Variants in NRXN1 observed in about 807,000 individuals in gnomAD.
NRXN1 encodes the protein neurexin-1.
In NRXN1, 39 loss-of-function variants were observed where a neutral mutation model predicts 150.9. The ratio of observed to expected loss-of-function variants is 0.26; its 90% CI spans 0.20 to 0.34. The LOEUF (loss-of-function observed/expected upper bound fraction) is 0.34, where lower values mean the gene tolerates loss of function less well. Ranked by LOEUF, NRXN1 falls within the 10% of genes least tolerant of loss-of-function variation. The pLI, the probability that NRXN1 is intolerant of heterozygous loss-of-function variation, is 1.00. For synonymous variants in NRXN1, 924 were observed against 757.0 expected (o/e 1.22, Z -3.62); for missense variants, 1,815 against 1,949.9 (o/e 0.93, Z 1.30).
At chr2:50,841,754 G>A (rs553468120) in intron 5 of NRXN1, among the ~76,000 whole-genome samples, 3 of 152,214 alleles carry the variant, frequency 2.0e-5, no homozygotes, top group Admixed American at 6.5e-5. Context: ...AGTGTTTCAC[G>A]AGAAATTGCC....
intron 5 of NRXN1, among the ~76,000 whole-genome samples, chr2:50,756,303 T>C (rs1453828159): frequency 6.6e-6 from 1 of 151,554 alleles, no homozygotes; most frequent in Non-Finnish European, 1.5e-5. Context: ...CTCACAAGTA[T>C]AGTGGTGATA....
At chr2:50,031,632 TACTA>T (rs1443525046) in intron 21 of NRXN1, among the ~76,000 whole-genome samples, 4 of 152,136 alleles carry the variant, frequency 2.6e-5, no homozygotes, top group African/African-American at 7.2e-5. Flanking sequence ...CTTGTCTATA[TACTA>T]ACTGTGTATT....
At chr2:50,117,111 T>G (rs1039762144) in intron 18 of NRXN1, among the ~76,000 whole-genome samples, 1 of 152,152 alleles carries the variant, frequency 6.6e-6, no homozygotes, top group Non-Finnish European at 1.5e-5. Flanking sequence ...AATGTTTGAT[T>G]ATGATTGTTT....
intron 17 of NRXN1, among the ~76,000 whole-genome samples, chr2:50,400,218 C>T (rs1572833749): frequency 6.6e-6 from 1 of 152,162 alleles, no homozygotes; most frequent in East Asian, 1.9e-4. Flanking sequence ...GAAGCGATGT[C>T]GAGTTTCCTT....
intron 17 of NRXN1, among the ~76,000 whole-genome samples, chr2:50,381,534 CA>C (rs2080967257): frequency 1.4e-5 from 2 of 140,622 alleles, no homozygotes; most frequent in African/African-American, 2.8e-5. Flanking sequence ...CACACACACA[CA>C]CACACACACA....
chr2:50,454,223 G>A (rs2104556799), intron 17 of NRXN1, among the ~76,000 whole-genome samples: 1 of 152,272 alleles, frequency 6.6e-6, no homozygotes, highest in Non-Finnish European at 1.5e-5. Flanking sequence ...CTCCTTGGGA[G>A]GCTGAGGCAC....
Position 50,123,782 on chromosome 2 carries a change from T to G in NRXN1, c.3547-32288A>C, listed in dbSNP as rs578139267. Among the ~76,000 whole-genome samples, 4 of 152,322 alleles carry G rather than the reference T, an allele frequency of 2.6e-5. No individual in the cohort carries two copies. In the South Asian group the frequency reaches 6.2e-4, roughly 24 times the overall value. On this transcript the variant is annotated intron_variant, in intron 18 of 22. Coordinates refer to ENST00000401669, the MANE Select transcript of NRXN1 (RefSeq NM_001330078.2). ...AAGGAACTGCACCTTGAACTCAAGA[T>G]GATTTCAAGGTTTTTGGAAAAGGCA...
intron 18 of NRXN1, among the ~76,000 whole-genome samples, chr2:50,106,079 TA>T (rs1701600203): frequency 6.6e-6 from 1 of 151,990 alleles, no homozygotes; most frequent in South Asian, 2.1e-4. Flanking sequence ...CTTAAAAACA[TA>T]ATGACCACTT....
At chr2:50,388,152 G>A (rs1558646955) in intron 17 of NRXN1, among the ~76,000 whole-genome samples, 1 of 152,018 alleles carries the variant, frequency 6.6e-6, no homozygotes, top group African/African-American at 2.4e-5. Context: ...CTACATTTTG[G>A]GCAATCTGGG....
At chr2:50,304,105 G>C (rs1329515983) in intron 17 of NRXN1, among the ~76,000 whole-genome samples, 2 of 152,028 alleles carry the variant, frequency 1.3e-5, no homozygotes, top group Admixed American at 6.6e-5. Context: ...CAGCAGAAAA[G>C]GTATGGCATA....
At chr2:49,946,301 G>C (rs1431076212) in intron 21 of NRXN1, among the ~76,000 whole-genome samples, 1 of 152,072 alleles carries the variant, frequency 6.6e-6, no homozygotes, top group African/African-American at 2.4e-5. Context: ...TTGTCAGACA[G>C]ATAGATTGCA....
At chr2:50,686,153 C>CA (rs977507216) in intron 5 of NRXN1, among the ~76,000 whole-genome samples, 3 of 151,936 alleles carry the variant, frequency 2.0e-5, no homozygotes, top group African/African-American at 7.3e-5. Flanking sequence ...AACAAAGAAA[C>CA]AAACAAACAA....
chr2:50,101,113 T>C (rs1211717340), intron 18 of NRXN1, among the ~76,000 whole-genome samples: 2 of 152,086 alleles, frequency 1.3e-5, no homozygotes, highest in Non-Finnish European at 2.9e-5. Context: ...TTTTTATATT[T>C]AAAAATTATT....
At chr2:50,464,890 G>A (rs2088651768) in intron 17 of NRXN1, among the ~76,000 whole-genome samples, 1 of 151,792 alleles carries the variant, frequency 6.6e-6, no homozygotes, top group East Asian at 1.9e-4. Flanking sequence ...TTATTTTCAT[G>A]CTTATATTGT....
At chr2:50,849,293 AC>A (rs1284905580) in intron 5 of NRXN1, among the ~76,000 whole-genome samples, 1 of 152,160 alleles carries the variant, frequency 6.6e-6, no homozygotes, top group Non-Finnish European at 1.5e-5. Context: ...ACTTTAGACC[AC>A]TTGGAATTGT....
chr2:50,813,375 C>T (rs773331745), intron 5 of NRXN1, among the ~76,000 whole-genome samples: 38 of 152,018 alleles, frequency 2.5e-4, no homozygotes, highest in African/African-American at 8.9e-4. Flanking sequence ...TATCTTCTCT[C>T]GTTTATAGCT....
At chr2:50,644,875 T>TATATTTATATATAA (rs1274226562) in intron 5 of NRXN1, among the ~76,000 whole-genome samples, 2,564 of 149,272 alleles carry the variant, frequency 0.017, 65 homozygotes, top group African/African-American at 0.059. Flanking sequence ...AAATAAAAAA[T>TATATTTATATATAA]GTATTTATAT....
chr2:50,783,506 T>C (rs186734401), intron 5 of NRXN1, among the ~76,000 whole-genome samples: 1 of 152,230 alleles, frequency 6.6e-6, no homozygotes, highest in Non-Finnish European at 1.5e-5. Flanking sequence ...GATCAGGGTA[T>C]TCTTTTTATT....
At chr2:50,971,607 T>C (rs1406164561) in intron 2 of NRXN1, among the ~76,000 whole-genome samples, 4 of 151,788 alleles carry the variant, frequency 2.6e-5, no homozygotes, top group African/African-American at 9.7e-5. Flanking sequence ...AAATAAAAAA[T>C]AAATAAAATA....
Sources: allele counts gnomAD v4.1 joint callset (sites outside exome capture counted in the v4.1 genomes callset), GRCh38; gene constraint gnomAD v4.1.1; transcripts MANE v1.5; gene names NCBI Gene and HGNC (gene_info 2026-07-23, HGNC 2026-07-21).